TC2N: variants seen among roughly 807,000 people sequenced by gnomAD.
TC2N encodes the protein tandem C2 domains, nuclear.
In TC2N, 51 loss-of-function variants were observed where a neutral mutation model predicts 61.9. That is an observed-to-expected ratio of 0.82 (90% CI 0.66 to 1.04). TC2N has a LOEUF of 1.04. TC2N is among the 50% of genes least tolerant of loss of function. The pLI is 0.00. For synonymous variants in TC2N, 204 were observed against 192.6 expected (o/e 1.06, Z -0.49); for missense variants, 556 against 566.7 (o/e 0.98, Z 0.19).
chr14:91,802,096 TAC>T, intron 4 of TC2N, among the ~76,000 whole-genome samples, 156 bp downstream of exon 4: 1 of 152,248 alleles, frequency 6.6e-6, no homozygotes, highest in Non-Finnish European at 1.5e-5. Context: ...GATATAATAC[TAC>T]AGAGATGTCA....
chr14:91,827,926 C>A (rs1228150618), intron 1 of TC2N, among the ~76,000 whole-genome samples: 1 of 152,174 alleles, frequency 6.6e-6, no homozygotes, highest in Non-Finnish European at 1.5e-5. Context: ...CATCATTGCA[C>A]ATATTTTGAT....
At chr14:91,791,535 T>TGA (rs112327307) in intron 9 of TC2N, among the ~76,000 whole-genome samples, 12,658 of 152,100 alleles carry the variant, frequency 0.083, 1,120 homozygotes, top group African/African-American at 0.22. Context: ...TTCAGTTGGC[T>TGA]GAGAAGCAAA....
chr14:91,820,242 C>A (rs1887182278), intron 1 of TC2N, among the ~76,000 whole-genome samples: 1 of 151,928 alleles, frequency 6.6e-6, no homozygotes, highest in Non-Finnish European at 1.5e-5. Flanking sequence ...TACTGGCAAG[C>A]CAAATCCAGA....
At chr14:91,841,591 A>G (rs1293673551) in intron 1 of TC2N, among the ~76,000 whole-genome samples, 2 of 152,198 alleles carry the variant, frequency 1.3e-5, no homozygotes, top group Non-Finnish European at 2.9e-5. Flanking sequence ...TGCTGGCCAG[A>G]GGACCCAAGA....
At chr14:91,834,108 T>C (rs772317686) in intron 1 of TC2N, among the ~76,000 whole-genome samples, 5 of 152,188 alleles carry the variant, frequency 3.3e-5, no homozygotes, top group African/African-American at 4.8e-5. Context: ...AGAAGAACCA[T>C]TGGGACATAC....
chr14:91,834,844 A>G (rs1887935739), intron 1 of TC2N, among the ~76,000 whole-genome samples: 1 of 152,144 alleles, frequency 6.6e-6, no homozygotes, highest in Non-Finnish European at 1.5e-5. Context: ...GGTGTTCCCC[A>G]TCCTTGGTCT....
At chr14:91,847,259 G>GAA (rs34551265) in intron 1 of TC2N, among the ~76,000 whole-genome samples, 4,532 of 126,986 alleles carry the variant, frequency 0.036, 258 homozygotes, top group African/African-American at 0.12. Context: ...CTCCATCTCA[G>GAA]AAAAAAAAAA....
intron 1 of TC2N, among the ~76,000 whole-genome samples, chr14:91,863,539 G>T (rs1267257416): frequency 6.6e-6 from 1 of 152,122 alleles, no homozygotes; most frequent in Admixed American, 6.5e-5. Context: ...GAAGTGGGGG[G>T]CTTACAAAGT....
intron 3 of TC2N, among the ~76,000 whole-genome samples, chr14:91,809,708 G>A (rs1886680391): frequency 2.0e-5 from 3 of 152,304 alleles, no homozygotes; most frequent in Admixed American, 2.0e-4. Flanking sequence ...CTAGCCTGAA[G>A]AACCACAGGG....
intron 10 of TC2N, among the ~76,000 whole-genome samples, chr14:91,786,502 A>C (rs1885370702): frequency 6.6e-6 from 1 of 152,158 alleles, no homozygotes; most frequent in African/African-American, 2.4e-5. Context: ...ACCTTGGTCT[A>C]GTGCTTTTAT....
At position 91,802,379 on chromosome 14, in the gene TC2N, G is replaced by T. The variant is rs1566768174; in HGVS notation, c.344C>A (p.Ser115Tyr). The T allele has an allele frequency of 6.2e-7, 1 of 1,612,638 alleles. No individual in the cohort carries two copies. Among genetic ancestry groups the T allele is most frequent in the Admixed American group, 1.7e-5 (1 of 59,726 alleles). The change falls in exon 4 of 12, where the codon TCC becomes TAC. Residue 115 changes from serine (S) to tyrosine (Y), a missense_variant. Physicochemically the swap from Ser to Tyr is moderately radical, Grantham distance 144. Transcript: ENST00000435962. ...ASFGDRKVEL[S>Y]SSSQHGPSYD... ...GCTAGGTCCGTGCTGGGATGAACTGGAAAGTTCTACCTTTCGATCTCCAAA... is the reference window on the plus strand; with the variant it reads ...GCTAGGTCCGTGCTGGGATGAACTGTAAAGTTCTACCTTTCGATCTCCAAA...
At chr14:91,783,335 T>C (rs1885215137) in intron 11 of TC2N, 125 bp from the exon 12 acceptor site, 2 of 550,662 alleles carry the variant, frequency 3.6e-6, no homozygotes, top group East Asian at 3.1e-5. Flanking sequence ...AAATTAAACA[T>C]CTTTCTTTTT....
At chr14:91,835,299 C>T (rs1008289167) in intron 1 of TC2N, among the ~76,000 whole-genome samples, 4 of 152,184 alleles carry the variant, frequency 2.6e-5, no homozygotes, top group Admixed American at 6.5e-5. Context: ...TTACTCCCTC[C>T]TTCCAGAAAA....
chr14:91,798,476 T>C, intron 6 of TC2N, 77 bp from the exon 7 acceptor site: 3 of 766,476 alleles, frequency 3.9e-6, no homozygotes, highest in Non-Finnish European at 6.6e-6. Flanking sequence ...CACAATCCAA[T>C]TTTAAGAGCA....
chr14:91,852,265 C>A (rs1449047037), intron 1 of TC2N, among the ~76,000 whole-genome samples: 1 of 152,098 alleles, frequency 6.6e-6, no homozygotes, highest in Non-Finnish European at 1.5e-5. Context: ...CCGTCTCTAG[C>A]TAAAAATACA....
rs141089055 is a variant in TC2N, at chr14:91,784,887, A to C, written c.1362+275T>G. On this transcript the variant is annotated intron_variant, in intron 11 of 11. Transcript: ENST00000435962. ...TCCCTCCTTCCACAAGGAACAAGTC[A>C]GTAGTACTGAAAAATTGATAATTCT... 4.3e-3 allele frequency among the ~76,000 whole-genome samples: 659 copies of C among 152,332 alleles called. 7 individuals carry two copies. The highest frequency in any genetic ancestry group is 0.015 in the African/African-American group (625 of 41,588).
intron 3 of TC2N, among the ~76,000 whole-genome samples, chr14:91,807,181 C>T (rs1301446632): frequency 6.6e-6 from 1 of 152,204 alleles, no homozygotes; most frequent in Non-Finnish European, 1.5e-5. Context: ...ACGTTTGCTG[C>T]AGAGGTGGGG....
intron 1 of TC2N, among the ~76,000 whole-genome samples, chr14:91,818,241 C>T (rs1194834888): frequency 2.0e-5 from 3 of 151,928 alleles, no homozygotes; most frequent in Non-Finnish European, 2.9e-5. Context: ...GCAGAGGGTC[C>T]CACTCAAGTA....
intron 1 of TC2N, among the ~76,000 whole-genome samples, chr14:91,863,071 GGAAAGACTGGCTTA>G (rs935379969): frequency 3.3e-5 from 5 of 152,348 alleles, no homozygotes; most frequent in South Asian, 2.1e-4. Flanking sequence ...AGACTGGTGT[GGAAAGACTGGCTTA>G]GAAAGACTGG....
Sources: gnomAD v4.1 joint callset for allele counts (sites outside exome capture counted in the v4.1 genomes callset) on GRCh38, gnomAD v4.1.1 for gene constraint, MANE v1.5 for transcripts, NCBI Gene and HGNC (gene_info 2026-07-23, HGNC 2026-07-21) for gene names.